RANBP17: variants seen among roughly 807,000 people sequenced by gnomAD.
RANBP17 encodes RAN binding protein 17.
In RANBP17, 158 loss-of-function variants were observed where a neutral mutation model predicts 141.2. That is an observed-to-expected ratio of 1.12 (90% CI 0.98 to 1.28). The LOEUF (loss-of-function observed/expected upper bound fraction) is 1.28, where lower values mean the gene tolerates loss of function less well. Among genes scored for constraint, RANBP17 ranks in the 50% most tolerant of loss-of-function variants. The probability of loss-of-function intolerance (pLI) is 0.00; values close to 1 mark genes in which losing one functional copy is unlikely to be tolerated. For missense variants in RANBP17, 1,438 were observed against 1,290.7 expected, an observed-to-expected ratio of 1.11 and a Z score of -1.75; for synonymous variants, 430 against 450.0, an observed-to-expected ratio of 0.96 and a Z score of 0.56.
chr5:170,898,291 GC>G (rs1770309270), intron 5 of RANBP17, among the ~76,000 whole-genome samples: 1 of 152,114 alleles, frequency 6.6e-6, no homozygotes, highest in African/African-American at 2.4e-5. Flanking sequence ...GTGATGATGA[GC>G]TTTTTTTCAT....
intron 14 of RANBP17, among the ~76,000 whole-genome samples, chr5:171,078,785 T>G (rs1378465605): frequency 1.3e-5 from 2 of 152,242 alleles, no homozygotes; most frequent in South Asian, 4.1e-4. Flanking sequence ...AAAAAAAGAT[T>G]AATTTTCAAA....
At chr5:171,115,568 C>T (rs112200315) in intron 14 of RANBP17, among the ~76,000 whole-genome samples, 1,978 of 152,294 alleles carry the variant, frequency 0.013, 45 homozygotes, top group African/African-American at 0.045. Flanking sequence ...CCAAATATTA[C>T]AGTGGATGTA....
chr5:170,944,771 G>A (rs546630566), intron 12 of RANBP17, among the ~76,000 whole-genome samples: 1 of 152,232 alleles, frequency 6.6e-6, no homozygotes, highest in African/African-American at 2.4e-5. Flanking sequence ...AATTTTAGAA[G>A]AAAATGCTCA....
At chr5:171,228,136 G>A (rs1488267809) in intron 22 of RANBP17, among the ~76,000 whole-genome samples, 1 of 152,230 alleles carries the variant, frequency 6.6e-6, no homozygotes, top group Admixed American at 6.5e-5. Context: ...GGCTGTAGCT[G>A]CCATAGATAG....
chr5:170,984,575 G>A (rs775273385), intron 14 of RANBP17, among the ~76,000 whole-genome samples: 49 of 152,058 alleles, frequency 3.2e-4, no homozygotes, highest in Non-Finnish European at 5.3e-4. Context: ...GCAGTGAGCT[G>A]TGATCACACC....
chr5:171,061,777 A>G (rs1301443193), intron 14 of RANBP17, among the ~76,000 whole-genome samples: 1 of 152,166 alleles, frequency 6.6e-6, no homozygotes, highest in Non-Finnish European at 1.5e-5. Flanking sequence ...AAAATCTCCC[A>G]TTATTAATGT....
rs765490368 is a variant in RANBP17, at chr5:170,918,858, A to G, written c.1100A>G (p.Gln367Arg). 1 of 1,558,378 alleles carries G rather than the reference A, an allele frequency of 6.4e-7. No individual in the cohort carries two copies. The highest frequency in any genetic ancestry group is 1.2e-5 in the South Asian group (1 of 83,098). ...LIANFTITSL[Q>R]HWEFAPNSVH... The stretch of plus-strand genomic sequence containing the variant: ...GCTAATTTTACCATTACTAGCCTAC[A>G]GGTAGGTAAAAATATGTAATTATGT... Residue 367 changes from glutamine to arginine, a missense_variant and splice_region_variant, in exon 10 of 28, where the codon CAG (glutamine) becomes CGG (arginine). Gln to Arg is a conservative substitution (Grantham distance 43, BLOSUM62 1). Coordinates refer to ENST00000523189, the MANE Select transcript of RANBP17 (RefSeq NM_022897.5).
intron 14 of RANBP17, among the ~76,000 whole-genome samples, chr5:170,990,816 G>A (rs1778455676): frequency 6.6e-6 from 1 of 151,930 alleles, no homozygotes; most frequent in Admixed American, 6.6e-5. Flanking sequence ...TAATTTATAG[G>A]TAAAGAGGCA....
chr5:171,289,373 C>T (rs1446465256), intron 25 of RANBP17, among the ~76,000 whole-genome samples: 1 of 152,238 alleles, frequency 6.6e-6, no homozygotes, highest in Non-Finnish European at 1.5e-5. Flanking sequence ...ACAGTTCACT[C>T]TCTAGCAGTA....
At chr5:171,147,477 G>T (rs571824272) in intron 14 of RANBP17, among the ~76,000 whole-genome samples, 1 of 149,292 alleles carries the variant, frequency 6.7e-6, no homozygotes, top group Admixed American at 6.7e-5. Context: ...GTGCAGTGGC[G>T]GTATCTCTGC....
At chr5:170,950,403 T>C (rs916019574) in intron 12 of RANBP17, among the ~76,000 whole-genome samples, 1 of 147,858 alleles carries the variant, frequency 6.8e-6, no homozygotes, top group South Asian at 2.1e-4. Flanking sequence ...AAAAAATAAC[T>C]CAAATAAGTG....
Position 170,910,988 on chromosome 5 carries a change from A to G in RANBP17, c.614A>G (p.Asn205Ser), listed in dbSNP as rs1174041845. The change falls in exon 7 of 28, where the codon AAT (asparagine) becomes AGT (serine). Residue 205 changes from asparagine to serine, a missense_variant. By Grantham distance (46) the Asn-to-Ser change is conservative. Transcript: ENST00000523189. ...TTTCAGGTGTTTGCCAAACCTTTAAATCTTCAGGATCAATGTCAGCAAAAT... is the reference window on the plus strand; with the variant it reads ...TTTCAGGTGTTTGCCAAACCTTTAAGTCTTCAGGATCAATGTCAGCAAAAT... ...LLKEVFAKPL[N>S]LQDQCQQNLV... 1 of 1,611,098 alleles carries G rather than the reference A, an allele frequency of 6.2e-7. No homozygotes were observed.
intron 25 of RANBP17, among the ~76,000 whole-genome samples, chr5:171,268,709 C>T (rs1398654565): frequency 6.6e-6 from 1 of 152,076 alleles, no homozygotes; most frequent in Non-Finnish European, 1.5e-5. Flanking sequence ...CCAGCCTTTA[C>T]CCCACCATGG....
At chr5:170,869,323 C>CTTTTTTTT (rs70982310) in intron 1 of RANBP17, among the ~76,000 whole-genome samples, 1 of 125,492 alleles carries the variant, frequency 8.0e-6, no homozygotes. Context: ...GCTCACAACA[C>CTTTTTTTT]TTTTTTTTTT....
At chr5:171,007,761 G>A (rs1257156996) in intron 14 of RANBP17, among the ~76,000 whole-genome samples, 1 of 152,168 alleles carries the variant, frequency 6.6e-6, no homozygotes, top group South Asian at 2.1e-4. Flanking sequence ...CTGGGGCCAA[G>A]CAGTGATGCA....
At chr5:170,874,957 G>A (rs1217869245) in intron 1 of RANBP17, among the ~76,000 whole-genome samples, 2 of 152,132 alleles carry the variant, frequency 1.3e-5, no homozygotes, top group African/African-American at 2.4e-5. Context: ...TTTTTGCAGT[G>A]GCTGGTACCA....
intron 18 of RANBP17, among the ~76,000 whole-genome samples, chr5:171,191,438 C>T (rs1761626074): frequency 6.6e-6 from 1 of 152,106 alleles, no homozygotes; most frequent in African/African-American, 2.4e-5. Context: ...CCTGTAATCC[C>T]AGGACTTTGG....
intron 14 of RANBP17, among the ~76,000 whole-genome samples, chr5:171,088,970 G>C (rs369598588): frequency 6.6e-6 from 1 of 151,718 alleles, no homozygotes; most frequent in Admixed American, 6.6e-5. Flanking sequence ...GCTCGTCAAA[G>C]TCATTCTCCA....
At chr5:171,268,322 T>C (rs1283519126) in intron 25 of RANBP17, among the ~76,000 whole-genome samples, 2 of 152,032 alleles carry the variant, frequency 1.3e-5, no homozygotes, top group East Asian at 1.9e-4. Context: ...CCCTGAAAAA[T>C]GGATATCAGC....
Sources: gnomAD v4.1 joint callset for allele counts (sites outside exome capture counted in the v4.1 genomes callset) on GRCh38, gnomAD v4.1.1 for gene constraint, MANE v1.5 for transcripts, NCBI Gene and HGNC (gene_info 2026-07-23, HGNC 2026-07-21) for gene names.